The following ABTB3 variants were observed in gnomAD, a reference collection of about 807,000 sequenced individuals.
The protein encoded by ABTB3 is ankyrin repeat- and BTB/POZ domain-containing protein 3.
chr12:107,516,705 G>T, the ABTB3 span, among the ~76,000 whole-genome samples: 2 of 152,186 alleles, frequency 1.3e-5, no homozygotes, highest in Non-Finnish European at 2.9e-5. Flanking sequence ...AGTGTGAAAG[G>T]CCCACCTTAC....
At chr12:107,591,658 G>A in the ABTB3 span, among the ~76,000 whole-genome samples, 2 of 152,134 alleles carry the variant, frequency 1.3e-5, no homozygotes, top group Non-Finnish European at 2.9e-5. Flanking sequence ...GTTACCTGTG[G>A]GGGAAACTGA....
chr12:107,386,992 T>G, the ABTB3 span, among the ~76,000 whole-genome samples: 2 of 145,492 alleles, frequency 1.4e-5, no homozygotes, highest in South Asian at 2.1e-4. Context: ...TTTTTTTTTT[T>G]TTGAGACAGA....
the ABTB3 span, among the ~76,000 whole-genome samples, chr12:107,499,230 C>T: frequency 2.6e-5 from 4 of 152,170 alleles, no homozygotes; most frequent in Middle Eastern, 3.4e-3. Context: ...ACAGTACAAA[C>T]TTTCAAAATG....
the ABTB3 span, among the ~76,000 whole-genome samples, chr12:107,611,935 T>C: frequency 7.2e-5 from 11 of 152,352 alleles, 1 homozygote; most frequent in East Asian, 2.1e-3. Flanking sequence ...GCTTATAATG[T>C]TTTCAATTAT....
chr12:107,610,491 C>G, the ABTB3 span: 1 of 944,298 alleles, frequency 1.1e-6, no homozygotes, highest in East Asian at 2.5e-5. Context: ...AGATTGCTTG[C>G]TTGCTTGTGT....
At chr12:107,469,988 CTTTCTTTCTTTCTT>C in the ABTB3 span, among the ~76,000 whole-genome samples, 3 of 93,866 alleles carry the variant, frequency 3.2e-5, no homozygotes, top group African/African-American at 1.8e-4. Context: ...TTCTTTCTTT[CTTTCTTTCTTTCTT>C]TCTTTCTTTC....
chr12:107,475,067 T>C, the ABTB3 span, among the ~76,000 whole-genome samples: 1 of 152,188 alleles, frequency 6.6e-6, no homozygotes, highest in Non-Finnish European at 1.5e-5. Flanking sequence ...ATTTTTTAAG[T>C]GTGCATCCTG....
At chr12:107,574,942 T>C in the ABTB3 span, among the ~76,000 whole-genome samples, 1 of 152,202 alleles carries the variant, frequency 6.6e-6, no homozygotes, top group Non-Finnish European at 1.5e-5. Context: ...GCTGTCACTA[T>C]AGTAACCAGC....
At chr12:107,539,086 T>A in the ABTB3 span, among the ~76,000 whole-genome samples, 1 of 152,208 alleles carries the variant, frequency 6.6e-6, no homozygotes, top group African/African-American at 2.4e-5. Flanking sequence ...TTCCCATCTC[T>A]GAAATTGATA....
chr12:107,644,530 G>A, the ABTB3 span, among the ~76,000 whole-genome samples: 1 of 152,194 alleles, frequency 6.6e-6, no homozygotes, highest in Admixed American at 6.5e-5. Flanking sequence ...AGGGTGGGGT[G>A]CTTGTTAAAA....
chr12:107,561,867 T>C, the ABTB3 span, among the ~76,000 whole-genome samples: 6 of 152,224 alleles, frequency 3.9e-5, no homozygotes, highest in African/African-American at 1.4e-4. Flanking sequence ...TGGATTCTTT[T>C]CCTAAACGCT....
the ABTB3 span, among the ~76,000 whole-genome samples, chr12:107,388,063 C>T: frequency 4.6e-5 from 7 of 151,024 alleles, no homozygotes; most frequent in African/African-American, 1.2e-4. Context: ...ACCTCTGCCT[C>T]TCAGGTTCAA....
chr12:107,608,942 T>TAATA, the ABTB3 span, among the ~76,000 whole-genome samples: 1 of 60,268 alleles, frequency 1.7e-5, no homozygotes, highest in African/African-American at 6.8e-5. Flanking sequence ...TAAAATAAAA[T>TAATA]AAATAAAATA....
chr12:107,595,937 G>T, the ABTB3 span, among the ~76,000 whole-genome samples: 1 of 151,776 alleles, frequency 6.6e-6, no homozygotes, highest in African/African-American at 2.4e-5. Flanking sequence ...ATAAGCATAT[G>T]TGTATATATA....
At chr12:107,471,702 C>T in the ABTB3 span, among the ~76,000 whole-genome samples, 32 of 152,270 alleles carry the variant, frequency 2.1e-4, no homozygotes, top group African/African-American at 7.0e-4. Context: ...CTCCATGACC[C>T]CCCAGGTCAG....
chr12:107,608,707 A>G, the ABTB3 span, among the ~76,000 whole-genome samples: 1 of 151,744 alleles, frequency 6.6e-6, no homozygotes, highest in Admixed American at 6.6e-5. Flanking sequence ...CTGTCTTTAC[A>G]AAAATTTTTT....
chr12:107,349,036 C>T, the ABTB3 span, among the ~76,000 whole-genome samples: 2 of 152,282 alleles, frequency 1.3e-5, no homozygotes, highest in African/African-American at 4.8e-5. Context: ...ACCTGTAAAC[C>T]TGCCTTGTCA....
the ABTB3 span, among the ~76,000 whole-genome samples, chr12:107,372,263 T>A: frequency 6.6e-6 from 1 of 152,128 alleles, no homozygotes; most frequent in African/African-American, 2.4e-5. Context: ...CAGCGTTAGG[T>A]CTTGCAACTC....
the ABTB3 span, among the ~76,000 whole-genome samples, chr12:107,634,243 GC>G: frequency 6.6e-6 from 1 of 152,100 alleles, no homozygotes; most frequent in Non-Finnish European, 1.5e-5. Context: ...ATCACTAGTG[GC>G]CCCAAACCCA....
Sources: allele counts gnomAD v4.1 joint callset (sites outside exome capture counted in the v4.1 genomes callset), GRCh38; gene constraint gnomAD v4.1.1; transcripts MANE v1.5; gene names NCBI Gene and HGNC (gene_info 2026-07-23, HGNC 2026-07-21).